The following MNAT1 variants were observed in gnomAD, a reference collection of about 807,000 sequenced individuals.
MNAT1 encodes MNAT1 component of CDK activating kinase, also known as CDK-activating kinase assembly factor MAT1.
In MNAT1, 43 loss-of-function variants were observed where a neutral mutation model predicts 42.0. The observed-to-expected ratio is 1.02, with a 90% CI of 0.80 to 1.32. The LOEUF (loss-of-function observed/expected upper bound fraction) is 1.32. MNAT1 is among the 40% of genes most tolerant of loss of function. MNAT1 has a pLI of 0.00. For synonymous variants in MNAT1, 118 were observed against 120.0 expected, an observed-to-expected ratio of 0.98 and a Z score of 0.11; for missense variants, 306 against 350.4, an observed-to-expected ratio of 0.87 and a Z score of 1.01.
intron 6 of MNAT1, among the ~76,000 whole-genome samples, chr14:60,848,782 A>G (rs1240049402): frequency 3.3e-5 from 5 of 152,194 alleles, no homozygotes; most frequent in Non-Finnish European, 5.9e-5. Flanking sequence ...CTGGAGGACT[A>G]TATAATCTTA....
chr14:60,926,862 C>A (rs942327089), intron 7 of MNAT1, among the ~76,000 whole-genome samples: 2 of 152,112 alleles, frequency 1.3e-5, no homozygotes, highest in African/African-American at 2.4e-5. Context: ...GTTGGTTCCC[C>A]TTGTGAACCA....
chr14:60,827,212 CTG>C (rs1297512765), intron 6 of MNAT1, among the ~76,000 whole-genome samples: 1 of 151,978 alleles, frequency 6.6e-6, no homozygotes, highest in African/African-American at 2.4e-5. Flanking sequence ...TTTTGATAGT[CTG>C]TGGTTGGTTT....
chr14:60,939,945 G>C (rs1330915737), intron 7 of MNAT1, among the ~76,000 whole-genome samples: 1 of 152,148 alleles, frequency 6.6e-6, no homozygotes, highest in East Asian at 1.9e-4. Context: ...ATTTAGGATA[G>C]TTAGCTCTTC....
intron 7 of MNAT1, among the ~76,000 whole-genome samples, chr14:60,932,477 T>C (rs2139572017): frequency 6.6e-6 from 1 of 152,114 alleles, no homozygotes; most frequent in Middle Eastern, 3.4e-3. Context: ...TTTAAAGACA[T>C]GGTTAAATAA....
intron 7 of MNAT1, among the ~76,000 whole-genome samples, chr14:60,960,099 C>T (rs990005259): frequency 6.6e-6 from 1 of 152,084 alleles, no homozygotes; most frequent in Non-Finnish European, 1.5e-5. Context: ...CTATAAGAAA[C>T]ACGTCTGCTG....
intron 6 of MNAT1, among the ~76,000 whole-genome samples, chr14:60,853,358 C>T (rs1030422070): frequency 6.6e-6 from 1 of 151,924 alleles, no homozygotes; most frequent in African/African-American, 2.4e-5. Flanking sequence ...TCTATTGTTG[C>T]TGTGTAGGAA....
intron 7 of MNAT1, among the ~76,000 whole-genome samples, chr14:60,885,732 G>A (rs932097909): frequency 1.3e-5 from 2 of 151,912 alleles, no homozygotes; most frequent in Non-Finnish European, 1.5e-5. Context: ...TTTTCATTTT[G>A]TTGTTTATTT....
At chr14:60,866,577 A>T (rs921484922) in intron 6 of MNAT1, among the ~76,000 whole-genome samples, 4 of 152,154 alleles carry the variant, frequency 2.6e-5, no homozygotes, top group Non-Finnish European at 5.9e-5. Flanking sequence ...GAGGGAGACA[A>T]TGCTGTTCCT....
At chr14:60,755,395 G>C (rs2030306719) in intron 1 of MNAT1, among the ~76,000 whole-genome samples, 1 of 152,106 alleles carries the variant, frequency 6.6e-6, no homozygotes, top group African/African-American at 2.4e-5. Context: ...ACCCGCCCTG[G>C]CCTCCCAAAG....
intron 7 of MNAT1, among the ~76,000 whole-genome samples, chr14:60,955,325 G>A (rs1431527591): frequency 6.6e-6 from 1 of 152,118 alleles, no homozygotes; most frequent in Non-Finnish European, 1.5e-5. Context: ...CAGCAATGAA[G>A]CCATCAGGTT....
intron 6 of MNAT1, among the ~76,000 whole-genome samples, chr14:60,874,524 A>C (rs763788127): frequency 6.6e-6 from 1 of 150,994 alleles, no homozygotes; most frequent in Non-Finnish European, 1.5e-5. Flanking sequence ...TTCCTATTCT[A>C]TCTTTTTCTC....
intron 1 of MNAT1, among the ~76,000 whole-genome samples, chr14:60,739,943 C>A (rs571397825): frequency 6.6e-6 from 1 of 152,290 alleles, no homozygotes; most frequent in East Asian, 1.9e-4. Context: ...CACCTGAGGT[C>A]AGGAGTTCGA....
At position 60,734,910 on chromosome 14, in the gene MNAT1, C is replaced by T. The variant is rs1288487835; in HGVS notation, c.48C>T (p.Asn16=). ...CPRCKTTKYR[N]PSLKLMVNVC... is the part of the protein sequence containing the mutation. Reference sequence around the variant, plus strand: ...GGTGTAAGACCACCAAATATCGGAACCCCTCCTTGAAGCTGATGGTGAATG... The same window carrying T: ...GGTGTAAGACCACCAAATATCGGAATCCCTCCTTGAAGCTGATGGTGAATG... The change falls in exon 1 of 8, where the codon AAC becomes AAT. Residue 16 remains asparagine (N), a synonymous_variant. Transcript: ENST00000261245. The surrounding 1 kb of genome is among the most constrained non-coding windows in gnomAD (Gnocchi z 4.3). 1 of 1,614,168 alleles carries T rather than the reference C, an allele frequency of 6.2e-7. No individual in the cohort carries two copies. Among genetic ancestry groups the T allele is most frequent in the South Asian group, 1.1e-5 (1 of 91,076 alleles).
At chr14:60,939,568 C>G (rs1003647111) in intron 7 of MNAT1, among the ~76,000 whole-genome samples, 23 of 152,282 alleles carry the variant, frequency 1.5e-4, no homozygotes, top group African/African-American at 5.3e-4. Context: ...ATCCTGAATT[C>G]TAGTTTGATT....
At chr14:60,799,230 T>G in intron 3 of MNAT1, 3 of 984,912 alleles carry the variant, frequency 3.0e-6, no homozygotes, top group Non-Finnish European at 3.6e-6. Flanking sequence ...ATTCTGCATG[T>G]ACTCATTGCA....
intron 7 of MNAT1, among the ~76,000 whole-genome samples, chr14:60,886,936 C>T (rs960398341): frequency 6.6e-6 from 1 of 152,068 alleles, no homozygotes; most frequent in Non-Finnish European, 1.5e-5. Context: ...ACGTCCTTGT[C>T]TTGGGGTCAG....
At chr14:60,911,543 C>T (rs901344567) in intron 7 of MNAT1, among the ~76,000 whole-genome samples, 10 of 152,270 alleles carry the variant, frequency 6.6e-5, no homozygotes, top group African/African-American at 2.4e-4. Context: ...TCGTTGGTTT[C>T]AAAGAACATC....
intron 7 of MNAT1, among the ~76,000 whole-genome samples, chr14:60,899,077 C>T (rs1332223036): frequency 6.6e-6 from 1 of 152,072 alleles, no homozygotes; most frequent in East Asian, 1.9e-4. Flanking sequence ...AAACATGTGG[C>T]TTTATTTCCG....
intron 7 of MNAT1, among the ~76,000 whole-genome samples, chr14:60,926,534 A>G (rs2035769424): frequency 6.6e-6 from 1 of 152,170 alleles, no homozygotes; most frequent in Middle Eastern, 3.2e-3. Flanking sequence ...TCAGGGAAAC[A>G]CTTTACTTAT....
Sources: gnomAD v4.1 joint callset for allele counts (sites outside exome capture counted in the v4.1 genomes callset) on GRCh38, gnomAD v4.1.1 for gene constraint, Gnocchi (gnomAD v3.1) non-coding constraint, MANE v1.5 for transcripts, NCBI Gene and HGNC (gene_info 2026-07-23, HGNC 2026-07-21) for gene names.